SPRED3: variants seen among roughly 807,000 people sequenced by gnomAD.
SPRED3 encodes the protein sprouty related EVH1 domain containing 3.
In SPRED3, 23 loss-of-function variants were observed where a neutral mutation model predicts 37.6. The observed-to-expected ratio is 0.61, with a 90% CI of 0.44 to 0.87. SPRED3 has a LOEUF of 0.87. SPRED3 is among the 40% of genes least tolerant of loss of function. The probability of loss-of-function intolerance (pLI) is 0.00; values close to 1 mark genes in which losing one functional copy is unlikely to be tolerated. For synonymous variants in SPRED3, 302 were observed against 279.6 expected (o/e 1.08, Z -0.80); for missense variants, 584 against 618.6 (o/e 0.94, Z 0.59).
At chr19:38,390,218 G>A in intron 1 of SPRED3, 81 bp from the exon 2 acceptor site, 6 of 1,277,882 alleles carry the variant, frequency 4.7e-6, no homozygotes, top group Non-Finnish European at 6.1e-6. Context: ...GGGGAGATGA[G>A]GGTTGAGGGA....
intron 5 of SPRED3, 148 bp downstream of exon 5, chr19:38,394,934 C>G: frequency 8.2e-7 from 1 of 1,216,552 alleles, no homozygotes; most frequent in Non-Finnish European, 1.1e-6. Flanking sequence ...GAGAAAGCGG[C>G]GGGGAAATAG....
intron 2 of SPRED3, 139 bp downstream of exon 2, chr19:38,390,618 C>G (rs1472401109): frequency 1.5e-6 from 1 of 657,860 alleles, no homozygotes; most frequent in Non-Finnish European, 2.3e-6. Context: ...GAATATCTGT[C>G]CTGTAGATAA....
Position 38,395,147 on chromosome 19 carries a change from G to T in SPRED3, c.568-333G>T, listed in dbSNP as rs1383981811. 6.6e-6 allele frequency among the ~76,000 whole-genome samples: 1 copy of T among 152,134 alleles called. No homozygotes were observed. Among genetic ancestry groups the T allele is most frequent in the Non-Finnish European group, 1.5e-5 (1 of 68,034 alleles). ...GTCGGTACCCAGAAGGGTAAAAGAG[G>T]CCCAGGAACCAAACTCCTGCGCCTT... On this transcript the variant is annotated intron_variant, in intron 5 of 5. Coordinates refer to ENST00000691638, the MANE Select transcript of SPRED3 (RefSeq NM_001394336.1). The surrounding 1 kb of genome is among the most constrained non-coding windows in gnomAD (Gnocchi z 5.2).
At chr19:38,394,862 C>G (rs1423979276) in intron 5 of SPRED3, 76 bp downstream of exon 5, 2 of 1,440,084 alleles carry the variant, frequency 1.4e-6, no homozygotes, top group Admixed American at 5.4e-5. Flanking sequence ...GGAGCCATGG[C>G]CCGGGGAGGT....
At chr19:38,389,593 T>A (rs1352343786) in intron 1 of SPRED3, 3 of 152,294 alleles carry the variant, frequency 2.0e-5, no homozygotes, top group Non-Finnish European at 4.4e-5. Flanking sequence ...GCAGCCTTGA[T>A]TTTTGTGAAT....
intron 4 of SPRED3, chr19:38,394,354 T>C: frequency 1.3e-6 from 2 of 1,561,452 alleles, no homozygotes; most frequent in Non-Finnish European, 1.7e-6. Flanking sequence ...ACAATAACCA[T>C]TTCCAGCTCT....
At position 38,395,371 on chromosome 19, in the gene SPRED3, G is replaced by A; in HGVS notation, c.568-109G>A. 1.8e-6 allele frequency: 2 copies of A among 1,096,636 alleles called. No individual in the cohort carries two copies. The highest frequency in any genetic ancestry group is 2.5e-6 in the Non-Finnish European group (2 of 815,574). The allele number at this position is 1,096,636 out of a possible 1,614,324, so 67.9% of individuals were successfully genotyped here. On this transcript the variant is annotated intron_variant, in intron 5 of 5. Transcript: ENST00000691638. This position sits in a 1 kb window ranked among gnomAD's most constrained non-coding sequence, Gnocchi z 5.2. The stretch of plus-strand genomic sequence containing the variant: ...TTGAGGGACCTTGGGAGAGAAGCAA[G>A]CTGGGGTCTTGAAAATCTGAATCCC...
chr19:38,389,241 A>G (rs1400229244), intron 1 of SPRED3, among the ~76,000 whole-genome samples: 4 of 151,888 alleles, frequency 2.6e-5, no homozygotes, highest in Non-Finnish European at 5.9e-5. Context: ...CATTCACAAA[A>G]TCCCATCCCA....
In SPRED3 at chr19:38,392,173, G is replaced by T. The variant is rs751581038; in HGVS notation, c.347-39G>T. On this transcript the variant is annotated intron_variant, in intron 3 of 5. Coordinates refer to ENST00000691638, the MANE Select transcript of SPRED3 (RefSeq NM_001394336.1). ...GCCTGGGAGCGGGAGGAGAAGCTGG[G>T]CTCAAGGAACTCACTCTCTGCCTCT... 11 of 1,607,596 alleles carry T rather than the reference G, an allele frequency of 6.8e-6. No individual in the cohort carries two copies. In the African/African-American group the frequency reaches 1.3e-4, roughly 20 times the overall value.
At position 38,396,109 on chromosome 19, in the gene SPRED3, C is replaced by A; in HGVS notation, c.1197C>A (p.Ala399=). ...GGGTCGCAGCGCGATGCGGCTGCGC[C>A]GGCTGCGGGGGTCGCCACGAGGAGG... ...CHWVAARCGC[A]GCGGRHEEAA... is the part of the protein sequence containing the mutation. The change falls in exon 6 of 6, where the codon GCC becomes GCA. Residue 399 remains alanine (A), a synonymous_variant. Coordinates refer to ENST00000691638, the MANE Select transcript of SPRED3 (RefSeq NM_001394336.1). 7.8e-7 allele frequency: 1 copy of A among 1,289,746 alleles called. No individual in the cohort carries two copies. Among genetic ancestry groups the A allele is most frequent in the South Asian group, 2.5e-5 (1 of 40,374 alleles). The allele number at this position is 1,289,746 out of a possible 1,614,324, so 79.9% of individuals were successfully genotyped here. A position where few individuals can be genotyped will look rare whatever the true frequency, so the allele number is the denominator to read the frequency against.
In SPRED3 at chr19:38,394,711, C is replaced by T. The variant is rs748359012; in HGVS notation, c.492C>T (p.Ala164=). ...RQETPPSAAA[A]PIITMESASG... Reference sequence around the variant, plus strand: ...AGACTCCTCCCAGCGCCGCTGCGGCCCCCATCATCACGATGGAGTCAGCTT... The same window carrying T: ...AGACTCCTCCCAGCGCCGCTGCGGCTCCCATCATCACGATGGAGTCAGCTT... The change falls in exon 5 of 6, where the codon GCC becomes GCT. Residue 164 remains alanine (A), a synonymous_variant. Coordinates refer to ENST00000691638, the MANE Select transcript of SPRED3 (RefSeq NM_001394336.1). The T allele has an allele frequency of 6.3e-7, 1 of 1,594,618 alleles. No individual in the cohort carries two copies.
chr19:38,390,767 C>CG lies in SPRED3; in HGVS notation c.177+288_177+289insG, dbSNP rs1259496764. On this transcript the variant is annotated intron_variant, in intron 2 of 5. Coordinates refer to ENST00000691638, the MANE Select transcript of SPRED3 (RefSeq NM_001394336.1). ...AGGCTGTTCCACAGGGGGCACTGCC[C>CG]CCCCCCCCCCGCCCCGACTCACACC... 2.9e-5 allele frequency among the ~76,000 whole-genome samples: 3 copies of CG among 104,760 alleles called. No homozygotes were observed. The Admixed American group carries it at 3.0e-4, about 11-fold the overall frequency. The allele number at this position is 104,760 out of a possible 152,430, so 68.7% of individuals were successfully genotyped here. A position where few individuals can be genotyped will look rare whatever the true frequency, so the allele number is the denominator to read the frequency against.
rs775494748 is a variant in SPRED3 at position 38,390,362 on chromosome 19, T to C, written c.60T>C (p.Pro20=). 2.2e-6 allele frequency: 3 copies of C among 1,357,610 alleles called. No homozygotes were observed. Among genetic ancestry groups the C allele is most frequent in the South Asian group, 4.2e-5 (2 of 47,966 alleles). The allele number at this position is 1,357,610 out of a possible 1,614,324, so 84.1% of individuals were successfully genotyped here. ...ATGACTCCAGTGGGGGCTGGCTGCC[T>C]GTGGGGGGCGGGGGCCTCAGCCAGG... ...ARDDSSGGWL[P]VGGGGLSQVS... is the part of the protein sequence containing the mutation. The change falls in exon 2 of 6, where the codon CCT becomes CCC. Residue 20 remains proline (P), a synonymous_variant. Transcript: ENST00000691638.
chr19:38,391,136 A>G (rs1246677559), intron 2 of SPRED3, among the ~76,000 whole-genome samples: 1 of 151,740 alleles, frequency 6.6e-6, no homozygotes, highest in Admixed American at 6.6e-5. Context: ...CAAGGATTTG[A>G]GGGAACATCA....
In SPRED3 at chr19:38,391,986, A is replaced by G; in HGVS notation, c.218A>G (p.Asn73Ser). 1 of 1,614,148 alleles carries G rather than the reference A, an allele frequency of 6.2e-7. No individual in the cohort carries two copies. The highest frequency in any genetic ancestry group is 8.5e-7 in the Non-Finnish European group (1 of 1,180,014). The change falls in exon 3 of 6, where the codon AAC becomes AGC. Residue 73 changes from asparagine (N) to serine (S), a missense_variant. By Grantham distance (46) the Asn-to-Ser change is conservative. Transcript: ENST00000691638. The stretch of plus-strand genomic sequence containing the variant: ...ACACTGAAGCCAGGCTTGGTTTACA[A>G]CAAGGTGAATCCCATCTTTCACCAC... ...ECTLKPGLVY[N>S]KVNPIFHHWS...
chr19:38,393,240 G>A (rs1970854161), intron 4 of SPRED3, among the ~76,000 whole-genome samples: 1 of 151,610 alleles, frequency 6.6e-6, no homozygotes, highest in Non-Finnish European at 1.5e-5. Flanking sequence ...TTAAACTTAA[G>A]TATTCCATTT....
In SPRED3 at chr19:38,392,111, C is replaced by T; in HGVS notation, c.343C>T (p.Arg115Ter). The T allele has an allele frequency of 6.2e-7, 1 of 1,614,102 alleles. No homozygotes were observed. Among genetic ancestry groups the T allele is most frequent in the Non-Finnish European group, 8.5e-7 (1 of 1,180,016 alleles). Residue 115 changes from arginine (R) to a stop codon, truncating the protein, a stop_gained, in exon 3 of 6, where the codon CGA (arginine) becomes TGA (stop). Coordinates refer to ENST00000691638, the MANE Select transcript of SPRED3 (RefSeq NM_001394336.1). LOFTEE classifies it high-confidence loss of function. ...GCTGGCTGCGCTGGCCGCACTGGGT[C>T]GAGGTGAGCAGCCCAGGTGATGTGC... is the stretch of plus-strand genomic sequence containing the variant. ...SLLAALAALG[R>*]GSLTPSSSSS...
rs1970785310 is a variant in SPRED3, at chr19:38,388,930, C to T, written c.-5+123C>T. ...GCCCCCAAGGCCCCGGCTAGGAGGA[C>T]TAGAGAGTGGGGACCCCCCAAACTG... On this transcript the variant is annotated intron_variant, in intron 1 of 5. Transcript: ENST00000691638. 1.3e-5 allele frequency: 5 copies of T among 393,852 alleles called. No individual in the cohort carries two copies. In the South Asian group the frequency reaches 5.7e-4, roughly 45 times the overall value. 24.4% of individuals were successfully genotyped at this position (393,852 alleles called of 1,614,324 possible).
In SPRED3 at chr19:38,394,733, G is replaced by C; in HGVS notation, c.514G>C (p.Ala172Pro). 1 of 1,588,692 alleles carries C rather than the reference G, an allele frequency of 6.3e-7. No individual in the cohort carries two copies. The highest frequency in any genetic ancestry group is 8.5e-7 in the Non-Finnish European group (1 of 1,170,294). Residue 172 changes from alanine (A) to proline (P), a missense_variant, in exon 5 of 6, where the codon GCT becomes CCT. Transcript: ENST00000691638. Reference sequence around the variant, plus strand: ...GGCCCCCATCATCACGATGGAGTCAGCTTCAGGCTTCGGGCCGACCACGCC... The same window carrying C: ...GGCCCCCATCATCACGATGGAGTCACCTTCAGGCTTCGGGCCGACCACGCC... Reference protein sequence around the residue: ...AAAPIITMESASGFGPTTPPQ... With the variant: ...AAAPIITMESPSGFGPTTPPQ...
Sources: allele counts gnomAD v4.1 joint callset (sites outside exome capture counted in the v4.1 genomes callset), GRCh38; gene constraint gnomAD v4.1.1; non-coding constraint Gnocchi (gnomAD v3.1); transcripts MANE v1.5; gene names NCBI Gene and HGNC (gene_info 2026-07-23, HGNC 2026-07-21).